RUFY4: variants seen among roughly 807,000 people sequenced by gnomAD.
RUFY4 encodes the protein RUN and FYVE domain containing 4, also known as RUN and FYVE domain-containing protein 4.
A neutral mutation model predicts 69.0 loss-of-function variants in RUFY4; 73 were observed. The observed-to-expected ratio is 1.06, with a 90% confidence interval of 0.88 to 1.29. The LOEUF (loss-of-function observed/expected upper bound fraction) is 1.29. RUFY4 is among the 50% of genes most tolerant of loss of function. The pLI is 0.00. For missense variants in RUFY4, 770 were observed against 705.6 expected (o/e 1.09, Z -1.03); for synonymous variants, 287 against 271.8 (o/e 1.06, Z -0.55).
intron 8 of RUFY4, among the ~76,000 whole-genome samples, chr2:218,077,613 G>C (rs1185310784): frequency 6.6e-6 from 1 of 152,114 alleles, no homozygotes; most frequent in African/African-American, 2.4e-5. Flanking sequence ...CTGCCCACCT[G>C]CCCCTGTCTC....
At chr2:218,088,184 C>A (rs556834801) in intron 9 of RUFY4, among the ~76,000 whole-genome samples, 1 of 152,058 alleles carries the variant, frequency 6.6e-6, no homozygotes, top group East Asian at 1.9e-4. Context: ...AACCCGTCTT[C>A]CTAAATATCC....
In RUFY4 at chr2:218,083,306, G is replaced by T. The variant is rs865808649; in HGVS notation, c.1502+50G>T. The stretch of plus-strand genomic sequence containing the variant: ...GGGAAACAGATGGGGGAACGGTAAG[G>T]GATGTGGAGCCCGGAGCGTGAAAAT... On this transcript the variant is annotated intron_variant, in intron 9 of 10. Coordinates refer to ENST00000344321, the Ensembl canonical transcript of RUFY4. 3 of 1,529,512 alleles carry T rather than the reference G, an allele frequency of 2.0e-6. No homozygotes were observed. In the East Asian group the frequency reaches 6.9e-5, roughly 35 times the overall value. 94.7% of individuals were successfully genotyped at this position (1,529,512 alleles called of 1,614,324 possible). A position where few individuals can be genotyped will look rare whatever the true frequency, so the allele number is the denominator to read the frequency against.
intron 2 of RUFY4, among the ~76,000 whole-genome samples, chr2:218,036,477 C>G (rs1958980429): frequency 6.6e-6 from 1 of 152,192 alleles, no homozygotes; most frequent in Non-Finnish European, 1.5e-5. Flanking sequence ...AGAAGTCTAA[C>G]TCTATAAAAG....
At chr2:218,069,747 C>G (rs1324326025), upstream of RUFY4, among the ~76,000 whole-genome samples, 2 of 152,136 alleles carry the variant, frequency 1.3e-5, no homozygotes, top group Admixed American at 6.5e-5. Context: ...CCACCCCAAA[C>G]TCCAACAGCC....
chr2:218,075,252 G>A (rs774470704), exon 7 of RUFY4: 27 of 1,576,484 alleles, frequency 1.7e-5, no homozygotes, highest in Non-Finnish European at 2.2e-5. Flanking sequence ...AAAGAAGGGG[G>A]AAAGTTCCAG....
exon 1 of RUFY4, chr2:218,035,153 C>T (rs1286953669): frequency 6.6e-6 from 1 of 152,454 alleles, no homozygotes; most frequent in Non-Finnish European, 1.5e-5. Flanking sequence ...CAGAGCCGCG[C>T]TGTCGTGCCC....
rs555801439 is a variant in RUFY4 at position 218,063,233 on chromosome 2, C to T, written c.-1071+4552C>T. On this transcript the variant is annotated intron_variant and NMD_transcript_variant, in intron 3 of 13. Coordinates refer to the RUFY4 transcript ENST00000457754. ...CATTGCCTTAGAGTCTAAGGGATGACCATCCTACCATCAACCAGGTCCAAG... is the reference window on the plus strand; with the variant it reads ...CATTGCCTTAGAGTCTAAGGGATGATCATCCTACCATCAACCAGGTCCAAG... 7.9e-5 allele frequency among the ~76,000 whole-genome samples: 12 copies of T among 152,276 alleles called. No individual in the cohort carries two copies. The East Asian group carries it at 2.1e-3, about 27-fold the overall frequency.
chr2:218,051,587 A>AAAAAAAAAAAC, intron 2 of RUFY4, among the ~76,000 whole-genome samples: 1 of 141,652 alleles, frequency 7.1e-6, no homozygotes, highest in African/African-American at 2.5e-5. Context: ...AAAAAAAAAA[A>AAAAAAAAAAAC]ACACAGAAAA....
intron 8 of RUFY4, among the ~76,000 whole-genome samples, chr2:218,077,627 C>G (rs1000870116): frequency 6.6e-6 from 1 of 152,234 alleles, no homozygotes; most frequent in African/African-American, 2.4e-5. Flanking sequence ...CTGTCTCTCT[C>G]TCCCACATGG....
chr2:218,075,281 G>C lies in RUFY4; in HGVS notation c.789G>C (p.Gln263His), dbSNP rs55688870. 1.8e-5 allele frequency: 29 copies of C among 1,597,234 alleles called. No individual in the cohort carries two copies. Among genetic ancestry groups the C allele is most frequent in the Middle Eastern group, 1.6e-4 (1 of 6,064 alleles). ...GTTCCAGGAAACATAGGTACCCCCAGAGCATGTGGGAGCCAGAAGGGAAGG... is the reference window on the plus strand; with the variant it reads ...GTTCCAGGAAACATAGGTACCCCCACAGCATGTGGGAGCCAGAAGGGAAGG... The change falls in exon 7 of 11, where the codon CAG (glutamine) becomes CAC (histidine). Residue 263 changes from glutamine (Q) to histidine (H), a missense_variant. Physicochemically the swap from Gln to His is conservative, Grantham distance 24. Transcript: ENST00000344321.
exon 9 of RUFY4, chr2:218,083,149 G>A (rs1048153803): frequency 5.8e-5 from 93 of 1,613,562 alleles, no homozygotes; most frequent in Non-Finnish European, 7.8e-5. Flanking sequence ...CACAGCTGGA[G>A]CAGAAGCAAC....
intron 2 of RUFY4, among the ~76,000 whole-genome samples, chr2:218,041,477 T>A (rs1200167739): frequency 6.6e-6 from 1 of 152,198 alleles, no homozygotes; most frequent in Non-Finnish European, 1.5e-5. Context: ...AAGAGTTTAT[T>A]TGAGCAAACA....
chr2:218,070,579 A>G (rs1360113374), exon 1 of RUFY4: 3 of 1,535,652 alleles, frequency 2.0e-6, no homozygotes, highest in African/African-American at 1.4e-5. Context: ...TCCAAGTTGC[A>G]AGGAATCACA....
upstream of RUFY4, among the ~76,000 whole-genome samples, chr2:218,068,017 A>G (rs117387644): frequency 2.0e-3 from 301 of 152,096 alleles, 6 homozygotes; most frequent in East Asian, 0.053. Flanking sequence ...CCAGGGAGAA[A>G]CCAGCGCCAC....
At chr2:218,070,362 T>C (rs902259170), upstream of RUFY4, 1 of 573,164 alleles carries the variant, frequency 1.7e-6, no homozygotes. Context: ...GTTAGCACAG[T>C]GTCGTCACCC....
exon 1 of RUFY4, chr2:218,070,512 GC>G: frequency 9.0e-7 from 1 of 1,111,474 alleles, no homozygotes; most frequent in Non-Finnish European, 1.3e-6. Flanking sequence ...TCTGCGTCCT[GC>G]TTTGTGTAAG....
At chr2:218,085,039 A>G (rs1689860877) in intron 9 of RUFY4, among the ~76,000 whole-genome samples, 1 of 152,146 alleles carries the variant, frequency 6.6e-6, no homozygotes, top group South Asian at 2.1e-4. Flanking sequence ...CAAGAGTGAA[A>G]CTCCATCTCA....
rs1268375591 is a variant in RUFY4, at chr2:218,070,667, G to T, written c.46+16G>T. ...GACCTAAGAGGTGAGTGTGTCCTGA[G>T]AGATGCTCTGGGACTGAGTCATGGG... On this transcript the variant is annotated intron_variant, in intron 1 of 10. Transcript: ENST00000344321. 1 of 1,537,310 alleles carries T rather than the reference G, an allele frequency of 6.5e-7. No individual in the cohort carries two copies. The highest frequency in any genetic ancestry group is 2.4e-5 in the East Asian group (1 of 41,054).
chr2:218,073,948 G>C, intron 6 of RUFY4, 63 bp downstream of exon 8: 3 of 1,519,196 alleles, frequency 2.0e-6, no homozygotes, highest in Non-Finnish European at 2.7e-6. Flanking sequence ...TCCTCAAGTT[G>C]AGTAGAAACT....
Sources: gnomAD v4.1 joint callset for allele counts (sites outside exome capture counted in the v4.1 genomes callset) on GRCh38, gnomAD v4.1.1 for gene constraint, MANE v1.5 for transcripts, NCBI Gene and HGNC (gene_info 2026-07-23, HGNC 2026-07-21) for gene names.